The following ZNF487 variants were observed in gnomAD, a reference collection of about 807,000 sequenced individuals.
ZNF487 encodes the protein zinc finger protein 487, also known as KRAB domain only 1.
ZNF487 carries 4 observed loss-of-function variants against 3.0 expected under a neutral mutation model. The observed-to-expected ratio is 1.35, with a 90% CI of 0.66 to 3.08. The LOEUF (loss-of-function observed/expected upper bound fraction) is 3.08, where lower values mean the gene tolerates loss of function less well. ZNF487 is among the 30% of genes most tolerant of loss of function. The pLI, the probability that ZNF487 is intolerant of heterozygous loss-of-function variation, is 0.01. For synonymous variants in ZNF487, 55 were observed against 34.6 expected (o/e 1.59, Z -2.06); for missense variants, 146 against 98.7 (o/e 1.48, Z -2.03).
intron 1 of ZNF487, among the ~76,000 whole-genome samples, chr10:43,455,632 G>C (rs1840161277): frequency 6.6e-6 from 1 of 152,236 alleles, no homozygotes; most frequent in African/African-American, 2.4e-5. Context: ...CCGTGGCGCG[G>C]CGCGCTTGTG....
the ZNF487 span, among the ~76,000 whole-genome samples, chr10:43,515,719 C>T: frequency 6.6e-6 from 1 of 152,222 alleles, no homozygotes; most frequent in Non-Finnish European, 1.5e-5. Context: ...TCAGGGCAAT[C>T]TTAGCAGATT....
chr10:43,437,685 T>G (rs1839436849), intron 1 of ZNF487, among the ~76,000 whole-genome samples: 1 of 152,154 alleles, frequency 6.6e-6, no homozygotes, highest in Non-Finnish European at 1.5e-5. Context: ...CACAAGGCCT[T>G]ATTACTCAAA....
At chr10:43,511,399 T>C in the ZNF487 span, among the ~76,000 whole-genome samples, 2 of 152,176 alleles carry the variant, frequency 1.3e-5, no homozygotes, top group Non-Finnish European at 2.9e-5. Context: ...AGGCATTCTG[T>C]GAGTCCACAG....
At chr10:43,446,832 C>T (rs925428109) in intron 1 of ZNF487, among the ~76,000 whole-genome samples, 1 of 152,152 alleles carries the variant, frequency 6.6e-6, no homozygotes, top group African/African-American at 2.4e-5. Context: ...CTTTGGGAGG[C>T]CAAGGCAGGC....
At chr10:43,506,075 T>G in the ZNF487 span, among the ~76,000 whole-genome samples, 1 of 152,280 alleles carries the variant, frequency 6.6e-6, no homozygotes, top group South Asian at 2.1e-4. Flanking sequence ...TTTGAGTTAC[T>G]GTCTGGTGTA....
intron 1 of ZNF487, among the ~76,000 whole-genome samples, chr10:43,446,942 G>A (rs1418563265): frequency 2.6e-5 from 4 of 152,082 alleles, no homozygotes; most frequent in Non-Finnish European, 5.9e-5. Context: ...CTGCAATCCC[G>A]GCACCTCAGG....
chr10:43,476,698 A>C (rs1402294676), intron 3 of ZNF487, among the ~76,000 whole-genome samples: 2 of 152,150 alleles, frequency 1.3e-5, no homozygotes, highest in African/African-American at 2.4e-5. Flanking sequence ...ATTGTGTGTC[A>C]GTGGAATATT....
chr10:43,456,086 G>A (rs1840189262), intron 1 of ZNF487, among the ~76,000 whole-genome samples: 1 of 152,176 alleles, frequency 6.6e-6, no homozygotes, highest in Non-Finnish European at 1.5e-5. Flanking sequence ...TCGTGGGCCC[G>A]CACTTCATAA....
At chr10:43,455,337 A>G (rs1840145454) in intron 1 of ZNF487, among the ~76,000 whole-genome samples, 1 of 151,978 alleles carries the variant, frequency 6.6e-6, no homozygotes, top group African/African-American at 2.4e-5. Flanking sequence ...TCACCCCCAA[A>G]TTCTGTGTAT....
chr10:43,502,684 T>C, the ZNF487 span, among the ~76,000 whole-genome samples: 22 of 152,222 alleles, frequency 1.4e-4, no homozygotes, highest in Non-Finnish European at 3.2e-4. Flanking sequence ...TACTGGTTTA[T>C]GTATTTACTA....
chr10:43,498,289 CT>C, the ZNF487 span, among the ~76,000 whole-genome samples: 36 of 77,004 alleles, frequency 4.7e-4, no homozygotes, highest in South Asian at 2.7e-3. Context: ...TTTCTTTTTT[CT>C]TTTTTTTTTT....
At chr10:43,448,339 T>C (rs933002052) in intron 1 of ZNF487, among the ~76,000 whole-genome samples, 41 of 152,094 alleles carry the variant, frequency 2.7e-4, no homozygotes, top group African/African-American at 5.8e-4. Flanking sequence ...GTTTTTTTTT[T>C]CCAATATAAC....
In ZNF487 at chr10:43,446,806, G is replaced by C. The variant is rs1335398545; in HGVS notation, c.-94+9544G>C. Among the ~76,000 whole-genome samples, 4 of 152,190 alleles carry C rather than the reference G, an allele frequency of 2.6e-5. No homozygotes were observed. In the South Asian group the frequency reaches 8.3e-4, roughly 32 times the overall value. The stretch of plus-strand genomic sequence containing the variant: ...CTAGACCGGGTGGCGGCTGGGAAGA[G>C]GCTGCAATCTCAGCACTTTGGGAGG... On this transcript the variant is annotated intron_variant, in intron 1 of 3. Coordinates refer to ENST00000437590, the MANE Select transcript of ZNF487 (RefSeq NM_001355444.3).
chr10:43,519,952 G>A, the ZNF487 span, among the ~76,000 whole-genome samples: 1 of 152,124 alleles, frequency 6.6e-6, no homozygotes, highest in Non-Finnish European at 1.5e-5. Flanking sequence ...TGTCCAGATG[G>A]TTAAATGAAT....
the ZNF487 span, among the ~76,000 whole-genome samples, chr10:43,515,343 C>T: frequency 8.1e-3 from 1,241 of 152,280 alleles, 12 homozygotes; most frequent in African/African-American, 0.028. Flanking sequence ...TCTTGCCTGG[C>T]AACCATCACC....
the ZNF487 span, among the ~76,000 whole-genome samples, chr10:43,488,496 A>G: frequency 2.5e-4 from 38 of 152,336 alleles, 3 homozygotes; most frequent in Admixed American, 1.6e-3. Context: ...ACTGGTCATA[A>G]AAGTGATTAA....
the ZNF487 span, among the ~76,000 whole-genome samples, chr10:43,510,853 TC>T: frequency 6.6e-6 from 1 of 152,176 alleles, no homozygotes; most frequent in African/African-American, 2.4e-5. Context: ...GCCCTGTAAC[TC>T]CCTTCTTAGC....
chr10:43,501,010 A>G, the ZNF487 span, among the ~76,000 whole-genome samples: 1 of 152,210 alleles, frequency 6.6e-6, no homozygotes, highest in Non-Finnish European at 1.5e-5. Flanking sequence ...TTGCTGTGCA[A>G]ACATCATAGA....
intron 1 of ZNF487, among the ~76,000 whole-genome samples, chr10:43,438,971 G>A (rs1389371666): frequency 2.0e-5 from 3 of 152,128 alleles, no homozygotes; most frequent in Non-Finnish European, 2.9e-5. Context: ...GCCGGGCGCG[G>A]TGTCTCACGC....
Sources: allele counts gnomAD v4.1 joint callset (sites outside exome capture counted in the v4.1 genomes callset), GRCh38; gene constraint gnomAD v4.1.1; transcripts MANE v1.5; gene names NCBI Gene and HGNC (gene_info 2026-07-23, HGNC 2026-07-21).